Variants in DLGAP1 observed in about 807,000 individuals in gnomAD.
DLGAP1 encodes the protein DLG associated protein 1.
DLGAP1 carries 11 observed loss-of-function variants against 90.8 expected under a neutral mutation model. That is an observed-to-expected ratio of 0.12 (90% CI 0.08 to 0.20). The LOEUF is 0.20. DLGAP1 is among the 10% of genes least tolerant of loss of function. The pLI, the probability that DLGAP1 is intolerant of heterozygous loss-of-function variation, is 1.00. For synonymous variants in DLGAP1, 558 were observed against 540.7 expected (o/e 1.03, Z -0.44); for missense variants, 1,050 against 1,333.8 (o/e 0.79, Z 3.31).
At chr18:3,712,865 T>C (rs990914583) in intron 7 of DLGAP1, among the ~76,000 whole-genome samples, 1 of 152,252 alleles carries the variant, frequency 6.6e-6, no homozygotes, top group Non-Finnish European at 1.5e-5. Flanking sequence ...ATCAATTCAC[T>C]CCTAACTGAC....
rs1039297571 is a variant in DLGAP1 at position 3,508,824 on chromosome 18, C to T, written c.2480-163G>A. Among the ~76,000 whole-genome samples, 3 of 152,104 alleles carry T rather than the reference C, an allele frequency of 2.0e-5. No homozygotes were observed. The South Asian group carries it at 6.2e-4, about 32-fold the overall frequency. On this transcript the variant is annotated intron_variant, in intron 10 of 12. Coordinates refer to ENST00000315677, the MANE Select transcript of DLGAP1 (RefSeq NM_004746.4). ...AGACAGCCCAATCACTGTTGTCACC[C>T]TGTTGGTCTGTGTCACAGAGGCTCC...
rs1408707813 is a variant in DLGAP1, at chr18:3,880,140, T to A, written c.-72A>T. 7.0e-7 allele frequency: 1 copy of A among 1,424,404 alleles called. No individual in the cohort carries two copies. The highest frequency in any genetic ancestry group is 1.8e-5 in the Admixed American group (1 of 56,304). The allele number at this position is 1,424,404 out of a possible 1,614,324, so 88.2% of individuals were successfully genotyped here. A position where few individuals can be genotyped will look rare whatever the true frequency, so the allele number is the denominator to read the frequency against. On this transcript the variant is annotated splice_region_variant and 5_prime_UTR_variant, in exon 4 of 13. Coordinates refer to ENST00000315677, the MANE Select transcript of DLGAP1 (RefSeq NM_004746.4). ...GCTCCAGACCCGTCTTGGGCAGGGA[T>A]CTGGGGGAATGAAGAAAAGGGCAAA...
chr18:3,704,707 GTGACTCA>G (rs2061381700), intron 7 of DLGAP1, among the ~76,000 whole-genome samples: 1 of 151,886 alleles, frequency 6.6e-6, no homozygotes, highest in African/African-American at 2.4e-5. Context: ...AGAGAACACA[GTGACTCA>G]TGCCTCTCCA....
intron 3 of DLGAP1, among the ~76,000 whole-genome samples, chr18:4,002,803 T>C (rs768130346): frequency 1.3e-4 from 20 of 152,188 alleles, no homozygotes; most frequent in African/African-American, 2.4e-4. Context: ...CGTCCATGCA[T>C]GTTGTTAATA....
At chr18:4,137,859 A>C (rs948971785) in intron 2 of DLGAP1, among the ~76,000 whole-genome samples, 3 of 152,000 alleles carry the variant, frequency 2.0e-5, no homozygotes, top group African/African-American at 7.2e-5. Context: ...GTTATTTCCT[A>C]GGTGTTTACT....
intron 4 of DLGAP1, among the ~76,000 whole-genome samples, chr18:3,848,127 C>CAAAAAAAAATAAAAAA (rs2069120603): frequency 3.1e-5 from 1 of 32,076 alleles, no homozygotes; most frequent in African/African-American, 1.7e-4. Context: ...GGCCCCGTCT[C>CAAAAAAAAATAAAAAA]AAAAAAAAAA....
intron 3 of DLGAP1, among the ~76,000 whole-genome samples, chr18:3,937,690 T>C (rs2072673270): frequency 6.6e-6 from 1 of 152,220 alleles, no homozygotes; most frequent in South Asian, 2.1e-4. Context: ...GCTGAGTTTA[T>C]CACAAAATTT....
chr18:3,943,722 G>A (rs1019162907), intron 3 of DLGAP1, among the ~76,000 whole-genome samples: 1 of 152,148 alleles, frequency 6.6e-6, no homozygotes, highest in African/African-American at 2.4e-5. Context: ...AAATTCCTAA[G>A]TTGAATTCCT....
chr18:4,203,369 A>G (rs1455175317), intron 1 of DLGAP1, among the ~76,000 whole-genome samples: 1 of 152,148 alleles, frequency 6.6e-6, no homozygotes, highest in African/African-American at 2.4e-5. Context: ...TGAAATATTC[A>G]TTAAATATTT....
chr18:3,973,675 A>T (rs572239527), intron 3 of DLGAP1, among the ~76,000 whole-genome samples: 32 of 152,196 alleles, frequency 2.1e-4, no homozygotes, highest in Non-Finnish European at 3.4e-4. Context: ...TTTTTCCCTC[A>T]ATTTTAGATA....
At chr18:3,895,309 ACACACACACACAT>A (rs1165978543) in intron 3 of DLGAP1, among the ~76,000 whole-genome samples, 1 of 150,940 alleles carries the variant, frequency 6.6e-6, no homozygotes, top group Non-Finnish European at 1.5e-5. Context: ...ACACACACAC[ACACACACACACAT>A]CATCATCATC....
chr18:4,096,516 T>C (rs1041925809), intron 2 of DLGAP1, among the ~76,000 whole-genome samples: 1 of 152,150 alleles, frequency 6.6e-6, no homozygotes, highest in Non-Finnish European at 1.5e-5. Flanking sequence ...AGGTACTTTT[T>C]GCCATTCTTT....
intron 7 of DLGAP1, among the ~76,000 whole-genome samples, chr18:3,635,965 G>A (rs887817257): frequency 1.3e-5 from 2 of 151,564 alleles, no homozygotes; most frequent in Admixed American, 1.3e-4. Flanking sequence ...CTGGCTTAAA[G>A]ATCTTCAATA....
intron 1 of DLGAP1, among the ~76,000 whole-genome samples, chr18:4,344,490 T>G (rs2081266600): frequency 1.3e-5 from 2 of 152,094 alleles, no homozygotes; most frequent in African/African-American, 4.8e-5. Flanking sequence ...TTAACGAAAA[T>G]TCAACATAGT....
intron 2 of DLGAP1, among the ~76,000 whole-genome samples, chr18:4,046,370 A>G (rs923887270): frequency 1.3e-5 from 2 of 152,380 alleles, no homozygotes; most frequent in Admixed American, 1.3e-4. Flanking sequence ...GAGTATGGTG[A>G]TAACTGATTT....
chr18:4,112,733 T>C (rs1820434719), intron 2 of DLGAP1, among the ~76,000 whole-genome samples: 1 of 152,086 alleles, frequency 6.6e-6, no homozygotes, highest in Admixed American at 6.6e-5. Flanking sequence ...TACCCAATAG[T>C]TACTTTTTCA....
intron 1 of DLGAP1, among the ~76,000 whole-genome samples, chr18:4,185,303 G>A (rs777414726): frequency 4.6e-5 from 7 of 150,904 alleles, no homozygotes; most frequent in Admixed American, 2.0e-4. Context: ...AGGGGTCCAC[G>A]TGCAGGTTTC....
intron 5 of DLGAP1, among the ~76,000 whole-genome samples, chr18:3,773,637 G>A (rs887658162): frequency 1.1e-4 from 17 of 152,246 alleles, no homozygotes; most frequent in African/African-American, 4.1e-4. Context: ...TAACAATAGT[G>A]TTCATAAATA....
At chr18:4,279,180 C>A (rs1333682764) in intron 1 of DLGAP1, among the ~76,000 whole-genome samples, 1 of 152,206 alleles carries the variant, frequency 6.6e-6, no homozygotes, top group East Asian at 1.9e-4. Flanking sequence ...AACTCTAGGT[C>A]ACTTTAACTT....
Sources: gnomAD v4.1 joint callset for allele counts (sites outside exome capture counted in the v4.1 genomes callset) on GRCh38, gnomAD v4.1.1 for gene constraint, MANE v1.5 for transcripts, NCBI Gene and HGNC (gene_info 2026-07-23, HGNC 2026-07-21) for gene names.